The following CSTPP1 variants were observed in gnomAD, a reference collection of about 807,000 sequenced individuals.
CSTPP1 encodes UPF0705 protein C11orf49.
the CSTPP1 span, among the ~76,000 whole-genome samples, chr11:47,111,225 C>G: frequency 6.6e-6 from 1 of 152,142 alleles, no homozygotes; most frequent in Non-Finnish European, 1.5e-5. Flanking sequence ...GAATTATTAG[C>G]TTCTCAGAAG....
chr11:47,059,029 C>T, the CSTPP1 span, among the ~76,000 whole-genome samples: 20 of 152,196 alleles, frequency 1.3e-4, no homozygotes, highest in African/African-American at 4.8e-5. Context: ...GGAACGAGAT[C>T]GTGTCCTTTG....
the CSTPP1 span, among the ~76,000 whole-genome samples, chr11:47,114,910 G>A: frequency 1.1e-4 from 16 of 152,226 alleles, no homozygotes; most frequent in Admixed American, 7.9e-4. Flanking sequence ...TCTTGTGCCG[G>A]TTTTCAAAGG....
chr11:47,158,544 T>C, the CSTPP1 span, among the ~76,000 whole-genome samples: 2 of 152,154 alleles, frequency 1.3e-5, no homozygotes, highest in African/African-American at 4.8e-5. Context: ...TTTTGTTTTT[T>C]GTTTTATTTT....
At chr11:46,939,516 A>T in the CSTPP1 span, among the ~76,000 whole-genome samples, 1 of 151,774 alleles carries the variant, frequency 6.6e-6, no homozygotes, top group Non-Finnish European at 1.5e-5. Flanking sequence ...TAGGCCTGGC[A>T]TGGTGGCTCA....
chr11:47,138,237 G>C, the CSTPP1 span, among the ~76,000 whole-genome samples: 1 of 152,162 alleles, frequency 6.6e-6, no homozygotes, highest in Non-Finnish European at 1.5e-5. Flanking sequence ...GTACAGACAG[G>C]GGAAATGTCA....
the CSTPP1 span, among the ~76,000 whole-genome samples, chr11:46,995,925 G>T: frequency 6.6e-6 from 1 of 152,218 alleles, no homozygotes; most frequent in South Asian, 2.1e-4. Flanking sequence ...TCTCTTTGTA[G>T]GTCTCTAAGG....
the CSTPP1 span, among the ~76,000 whole-genome samples, chr11:47,039,452 AC>A: frequency 1.6e-5 from 2 of 126,500 alleles, 1 homozygote; most frequent in South Asian, 5.1e-4. Context: ...TCAGAGGGAG[AC>A]CGTGGAGAGA....
the CSTPP1 span, chr11:47,164,233 G>A: frequency 8.7e-6 from 14 of 1,613,306 alleles, no homozygotes; most frequent in African/African-American, 6.7e-5. Flanking sequence ...TACCATTACC[G>A]GTGGGAGCCC....
chr11:46,984,269 T>C, the CSTPP1 span, among the ~76,000 whole-genome samples: 1 of 152,246 alleles, frequency 6.6e-6, no homozygotes, highest in East Asian at 1.9e-4. Context: ...TTGGCTTCTC[T>C]TCCCACTAGC....
chr11:47,138,538 G>A, the CSTPP1 span, among the ~76,000 whole-genome samples: 40 of 152,272 alleles, frequency 2.6e-4, 2 homozygotes, highest in East Asian at 7.3e-3. Context: ...GCCAGAAGAA[G>A]GTTTTCAAGA....
the CSTPP1 span, among the ~76,000 whole-genome samples, chr11:47,122,445 C>T: frequency 2.0e-5 from 3 of 152,096 alleles, no homozygotes; most frequent in Non-Finnish European, 4.4e-5. Context: ...AAGGAAGATA[C>T]ATACTTGACC....
At chr11:47,146,374 A>G in the CSTPP1 span, among the ~76,000 whole-genome samples, 1 of 151,730 alleles carries the variant, frequency 6.6e-6, no homozygotes. Flanking sequence ...TCAAAAAAAA[A>G]AAAAAAAAAA....
the CSTPP1 span, among the ~76,000 whole-genome samples, chr11:46,946,321 A>G: frequency 6.6e-6 from 1 of 152,254 alleles, no homozygotes; most frequent in Non-Finnish European, 1.5e-5. Flanking sequence ...TGCTAAATGA[A>G]TAATTCTAGG....
chr11:47,139,334 G>T, the CSTPP1 span, among the ~76,000 whole-genome samples: 1 of 152,170 alleles, frequency 6.6e-6, no homozygotes, highest in African/African-American at 2.4e-5. Context: ...GGAGGCAAGG[G>T]TTGGCAGTGA....
chr11:46,948,072 C>T, the CSTPP1 span: 1 of 456,262 alleles, frequency 2.2e-6, no homozygotes, highest in South Asian at 1.5e-5. Flanking sequence ...ATATGAAAGG[C>T]CACACGTCTT....
chr11:47,157,125 G>A, the CSTPP1 span: 10 of 1,614,082 alleles, frequency 6.2e-6, no homozygotes, highest in Admixed American at 1.7e-5. Flanking sequence ...CACCGCCAAC[G>A]ACCTGCCTTG....
chr11:47,082,646 G>A, the CSTPP1 span, among the ~76,000 whole-genome samples: 1 of 152,078 alleles, frequency 6.6e-6, no homozygotes, highest in African/African-American at 2.4e-5. Flanking sequence ...ACCAAAATCA[G>A]TTTTAGAATA....
the CSTPP1 span, among the ~76,000 whole-genome samples, chr11:47,113,279 T>C: frequency 1.3e-5 from 2 of 152,350 alleles, no homozygotes; most frequent in East Asian, 1.9e-4. Flanking sequence ...TTTGCTATTG[T>C]GAATAGTGCC....
At chr11:47,162,662 G>A in the CSTPP1 span, among the ~76,000 whole-genome samples, 34 of 152,270 alleles carry the variant, frequency 2.2e-4, no homozygotes, top group African/African-American at 7.5e-4. Flanking sequence ...AGGTAAGGAC[G>A]AGTGTCTTCA....
Sources: allele counts gnomAD v4.1 joint callset (sites outside exome capture counted in the v4.1 genomes callset), GRCh38; gene constraint gnomAD v4.1.1; transcripts MANE v1.5; gene names NCBI Gene and HGNC (gene_info 2026-07-23, HGNC 2026-07-21).